Variants in PHF3 observed in about 807,000 individuals in gnomAD.
The protein encoded by PHF3 is PHD finger protein 3.
PHF3 carries 41 observed loss-of-function variants against 178.4 expected under a neutral mutation model. That is an observed-to-expected ratio of 0.23 (90% CI 0.18 to 0.30). PHF3 has a LOEUF of 0.30. PHF3 is among the 10% of genes least tolerant of loss of function. The probability of loss-of-function intolerance (pLI) is 1.00; values close to 1 mark genes in which losing one functional copy is unlikely to be tolerated. For synonymous variants in PHF3, 842 were observed against 800.5 expected, an observed-to-expected ratio of 1.05 and a Z score of -0.88; for missense variants, 2,346 against 2,398.1, an observed-to-expected ratio of 0.98 and a Z score of 0.45.
At chr6:63,652,192 G>A (rs1185348869) in intron 2 of PHF3, among the ~76,000 whole-genome samples, 2 of 151,878 alleles carry the variant, frequency 1.3e-5, no homozygotes, top group Admixed American at 1.3e-4. Context: ...CCATATTCTT[G>A]CCAGTGTTTA....
rs1012136988 is a variant in PHF3 at position 63,718,826 on chromosome 6, A to G, written c.*5118A>G. On this transcript the variant is annotated 3_prime_UTR_variant, in exon 16 of 16. Transcript: ENST00000262043. ...AGTTTCTTCTTTTGTAAGCTTTCAT[A>G]AAACAGCCTTCTTTTTATACATAAA... 1.3e-5 allele frequency among the ~76,000 whole-genome samples: 2 copies of G among 152,026 alleles called. No individual in the cohort carries two copies. The highest frequency in any genetic ancestry group is 4.8e-5 in the African/African-American group (2 of 41,442).
At position 63,706,862 on chromosome 6, in the gene PHF3, G is replaced by C. The variant is rs1243549675; in HGVS notation, c.3697G>C (p.Glu1233Gln). ...TKAYPVSGSP[E>Q]YLTEDLPDSI... ...AGCCTATCCAGTATCTGGCTCCCCA[G>C]AATACCTGACAGAGGTACTGTGAAC... Residue 1233 changes from glutamate (E) to glutamine (Q), a missense_variant, in exon 13 of 16, where the codon GAA becomes CAA. By Grantham distance (29) the Glu-to-Gln change is conservative (BLOSUM62 2). Around this residue, in one of 8 missense-constraint regions of PHF3, gnomAD observed 205 missense variants for 212.4 expected, o/e 0.97. Transcript: ENST00000262043. The C allele has an allele frequency of 3.7e-6, 6 of 1,613,780 alleles. No individual in the cohort carries two copies. The highest frequency in any genetic ancestry group is 1.3e-5 in the African/African-American group (1 of 74,924).
chr6:63,679,253 C>G (rs989329941), intron 2 of PHF3, among the ~76,000 whole-genome samples: 2 of 151,966 alleles, frequency 1.3e-5, no homozygotes, highest in Non-Finnish European at 2.9e-5. Flanking sequence ...AGAAATAAAC[C>G]TAATGACAAT....
rs116762870 is a variant in PHF3 at position 63,724,068 on chromosome 6, A to G, written c.*10360A>G. On this transcript the variant is annotated 3_prime_UTR_variant, in exon 16 of 16. Transcript: ENST00000262043. ...GTGATCCGCCCACCTCGGCCTCCCA[A>G]AGTGGTGGGATTACAGGCATATGCC... 8.4e-3 allele frequency among the ~76,000 whole-genome samples: 1,275 copies of G among 152,266 alleles called. 3 individuals are homozygous for G. The highest frequency in any genetic ancestry group is 0.037 in the Middle Eastern group (11 of 294).
At chr6:63,641,874 C>T (rs748446424) in intron 1 of PHF3, among the ~76,000 whole-genome samples, 10 of 152,012 alleles carry the variant, frequency 6.6e-5, no homozygotes, top group Non-Finnish European at 1.5e-4. Context: ...GTGATCTGCC[C>T]GCCTCGTCCT....
chr6:63,671,748 T>C (rs1186171064), intron 2 of PHF3, among the ~76,000 whole-genome samples: 1 of 152,200 alleles, frequency 6.6e-6, no homozygotes, highest in Non-Finnish European at 1.5e-5. Context: ...ACAGTTGTTT[T>C]GTTTTGTTTT....
At chr6:63,674,803 G>A (rs190556958) in intron 2 of PHF3, among the ~76,000 whole-genome samples, 2 of 152,230 alleles carry the variant, frequency 1.3e-5, no homozygotes, top group East Asian at 1.9e-4. Flanking sequence ...GGAAATAACC[G>A]ACGTAGAAGT....
intron 2 of PHF3, among the ~76,000 whole-genome samples, chr6:63,675,878 TTTAC>T (rs566389743): frequency 6.6e-6 from 1 of 152,210 alleles, no homozygotes; most frequent in African/African-American, 2.4e-5. Flanking sequence ...TCATTCTTCA[TTTAC>T]TTACTTCTTA....
At position 63,718,252 on chromosome 6, in the gene PHF3, A is replaced by C. The variant is rs1266467561; in HGVS notation, c.*4544A>C. On this transcript the variant is annotated 3_prime_UTR_variant, in exon 16 of 16. Coordinates refer to ENST00000262043, the MANE Select transcript of PHF3 (RefSeq NM_001370348.2). ...AAATGGGAAAGTTCCAATTTTGTGG[A>C]GATTACAGGTAGAAAAGTTATAAAA... Among the ~76,000 whole-genome samples, 1 of 152,028 alleles carries C rather than the reference A, an allele frequency of 6.6e-6. No homozygotes were observed. The highest frequency in any genetic ancestry group is 1.9e-4 in the East Asian group (1 of 5,194).
intron 12 of PHF3, 59 bp downstream of exon 12, chr6:63,706,283 T>A: frequency 7.7e-7 from 1 of 1,306,522 alleles, no homozygotes; most frequent in Non-Finnish European, 1.1e-6. Context: ...CAGATTATAC[T>A]TGCAAGTCTT....
chr6:63,711,455 C>T, intron 15 of PHF3, 93 bp downstream of exon 15: 1 of 1,353,920 alleles, frequency 7.4e-7, no homozygotes, highest in South Asian at 1.4e-5. Flanking sequence ...TTCTCAGGAT[C>T]CAGCCCTCTA....
chr6:63,641,931 AG>A (rs1263010249), intron 1 of PHF3, among the ~76,000 whole-genome samples: 1 of 152,012 alleles, frequency 6.6e-6, no homozygotes, highest in Non-Finnish European at 1.5e-5. Flanking sequence ...CCCGGCCTAA[AG>A]TGAAATTTTT....
In PHF3 at chr6:63,722,901, A is replaced by T. The variant is rs1768460693; in HGVS notation, c.*9193A>T. 6.6e-6 allele frequency among the ~76,000 whole-genome samples: 1 copy of T among 152,182 alleles called. No individual in the cohort carries two copies. The highest frequency in any genetic ancestry group is 1.5e-5 in the Non-Finnish European group (1 of 68,018). On this transcript the variant is annotated 3_prime_UTR_variant, in exon 16 of 16. Transcript: ENST00000262043. The stretch of plus-strand genomic sequence containing the variant: ...CTCTAGCTTTATTTTCCTCATAGGG[A>T]ATTTTTAGTGAGTATACTATGTCGT...
In PHF3 at chr6:63,712,814, T is replaced by G. The variant is rs1297194236; in HGVS notation, c.5226T>G (p.Asp1742Glu). The G allele has an allele frequency of 6.2e-7, 1 of 1,614,066 alleles. No individual in the cohort carries two copies. Among genetic ancestry groups the G allele is most frequent in the Non-Finnish European group, 8.5e-7 (1 of 1,179,996 alleles). ...QAEQAKPLQE[D>E]ILMQNIETVH... ...AACAAGCAAAACCCTTACAGGAGGA[T>G]ATTTTAATGCAAAATATTGAAACTG... is the stretch of plus-strand genomic sequence containing the variant. The change falls in exon 16 of 16, where the codon GAT becomes GAG. Residue 1742 changes from aspartate to glutamate, a missense_variant. By Grantham distance (45) the Asp-to-Glu change is conservative. Transcript: ENST00000262043.
intron 2 of PHF3, among the ~76,000 whole-genome samples, chr6:63,672,062 C>T (rs1765942300): frequency 6.6e-6 from 1 of 152,064 alleles, no homozygotes; most frequent in East Asian, 1.9e-4. Context: ...AGGATGGTCT[C>T]AATCTTCTGA....
rs759614858 is a variant in PHF3 at position 63,710,030 on chromosome 6, GATAA to G, written c.3801+797_3801+800del. Among the ~76,000 whole-genome samples, 4 of 152,142 alleles carry G rather than the reference GATAA, an allele frequency of 2.6e-5. No individual in the cohort carries two copies. In the East Asian group the frequency reaches 7.7e-4, roughly 29 times the overall value. On this transcript the variant is annotated intron_variant, in intron 14 of 15. Transcript: ENST00000262043. The stretch of plus-strand genomic sequence containing the variant: ...GTACCTAGTATATTAACAGTCATTC[GATAA>G]ATAAATCTTGAATGAATAAATGTTA...
rs1768240737 is a variant in PHF3 at position 63,718,042 on chromosome 6, A to G, written c.*4334A>G. ...AATCGTCAACACCATTATCACCAGG[A>G]TAGCAAAAATAGGAAGCGGGAATAG... On this transcript the variant is annotated 3_prime_UTR_variant, in exon 16 of 16. Coordinates refer to ENST00000262043, the MANE Select transcript of PHF3 (RefSeq NM_001370348.2). Among the ~76,000 whole-genome samples the G allele has an allele frequency of 6.6e-6, 1 of 152,064 alleles. No homozygotes were observed. Among genetic ancestry groups the G allele is most frequent in the African/African-American group, 2.4e-5 (1 of 41,446 alleles).
rs1768047147 is a variant in PHF3, at chr6:63,713,266, C to T, written c.5678C>T (p.Pro1893Leu). Residue 1893 changes from proline to leucine, a missense_variant, in exon 16 of 16, where the codon CCA (proline) becomes CTA (leucine). Around this residue, in one of 8 missense-constraint regions of PHF3, gnomAD observed 839 missense variants for 806.9 expected, o/e 1.04. Coordinates refer to ENST00000262043, the MANE Select transcript of PHF3 (RefSeq NM_001370348.2). ...NFYQVKDIRR[P>L]ERRHSDPWGR... is the part of the protein sequence containing the mutation. ...TACCAGGTTAAAGACATTCGGAGGC[C>T]AGAAAGGCGCCATAGTGACCCTTGG... 6.2e-7 allele frequency: 1 copy of T among 1,613,830 alleles called. No individual in the cohort carries two copies. The highest frequency in any genetic ancestry group is 1.3e-5 in the African/African-American group (1 of 74,834).
chr6:63,646,444 C>A, intron 1 of PHF3, 83 bp from the exon 2 acceptor site: 1 of 978,206 alleles, frequency 1.0e-6, no homozygotes, highest in Non-Finnish European at 1.5e-6. Flanking sequence ...TTCTTAGACT[C>A]AAAACTATTA....
Sources: allele counts gnomAD v4.1 joint callset (sites outside exome capture counted in the v4.1 genomes callset), GRCh38; gene constraint gnomAD v4.1.1; regional missense constraint gnomAD v4.1.1; transcripts MANE v1.5; gene names NCBI Gene and HGNC (gene_info 2026-07-23, HGNC 2026-07-21).